The following RSL1D1 variants were observed in gnomAD, a reference collection of about 807,000 sequenced individuals.
RSL1D1 encodes the protein ribosomal L1 domain containing 1, also known as ribosomal L1 domain-containing protein 1.
Under a neutral mutation model 44.6 loss-of-function variants are expected in RSL1D1, and 34 were observed. That is an observed-to-expected ratio of 0.76 (90% confidence interval 0.58 to 1.02). RSL1D1 has a LOEUF of 1.02. Among genes scored for constraint, RSL1D1 ranks in the 50% least tolerant of loss-of-function variants. The pLI, the probability that RSL1D1 is intolerant of heterozygous loss-of-function variation, is 0.00. For synonymous variants in RSL1D1, 271 were observed against 207.4 expected, an observed-to-expected ratio of 1.31 and a Z score of -2.63; for missense variants, 767 against 568.1, an observed-to-expected ratio of 1.35 and a Z score of -3.56.
chr16:11,847,887 A>G (rs541759518), intron 2 of RSL1D1, 81 bp from the exon 3 acceptor site: 1 of 1,376,352 alleles, frequency 7.3e-7, no homozygotes, highest in East Asian at 2.3e-5. Flanking sequence ...ATACGCGATA[A>G]ACTTAGTGTT....
intron 5 of RSL1D1, 125 bp downstream of exon 5, chr16:11,846,376 C>G: frequency 1.8e-6 from 1 of 558,332 alleles, no homozygotes; most frequent in South Asian, 2.4e-5. Flanking sequence ...GCCTGGCAGA[C>G]AGAGTAAGAC....
chr16:11,849,036 C>T (rs910042350), intron 2 of RSL1D1, among the ~76,000 whole-genome samples: 1 of 152,032 alleles, frequency 6.6e-6, no homozygotes, highest in African/African-American at 2.4e-5. Flanking sequence ...CACCTCACCT[C>T]CCAAAGTGCT....
rs776774713 is a variant in RSL1D1, at chr16:11,835,462, C to A, written c.*2325G>T. On this transcript the variant is annotated 3_prime_UTR_variant, in exon 9 of 9. Coordinates refer to ENST00000571133, the MANE Select transcript of RSL1D1 (RefSeq NM_015659.3). The stretch of plus-strand genomic sequence containing the variant: ...CTGGGATTACAGATGTGAGCCACCA[C>A]GCCCAGCCTCATTTTTTTTGAGACT... 1.3e-5 allele frequency: 2 copies of A among 152,142 alleles called. No homozygotes were observed. The highest frequency in any genetic ancestry group is 1.3e-4 in the Admixed American group (2 of 15,216). 9.4% of individuals were successfully genotyped at this position (152,142 alleles called of 1,614,324 possible).
At chr16:11,841,857 C>G (rs1214760337) in intron 6 of RSL1D1, 37 bp from the exon 7 acceptor site, 1 of 1,612,192 alleles carries the variant, frequency 6.2e-7, no homozygotes, top group South Asian at 1.1e-5. Flanking sequence ...TCTACATATA[C>G]TTTGTTTCTT....
At chr16:11,850,203 A>G in intron 2 of RSL1D1, 76 bp downstream of exon 2, 1 of 1,375,426 alleles carries the variant, frequency 7.3e-7, no homozygotes, top group Non-Finnish European at 9.8e-7. Context: ...TCCATTAGTA[A>G]CCATGATGCA....
At position 11,839,990 on chromosome 16, in the gene RSL1D1, C is replaced by CA. The variant is rs1207301697; in HGVS notation, c.856-6dup. On this transcript the variant is annotated splice_polypyrimidine_tract_variant and splice_region_variant and intron_variant, in intron 7 of 8. Transcript: ENST00000571133. ...TCTTCGTTTTCTCCTTGCCTCCTACCAAAAAACACCATACAAACATTTTAG... is the reference window on the plus strand; with the variant it reads ...TCTTCGTTTTCTCCTTGCCTCCTACCAAAAAAACACCATACAAACATTTTAG... 6 of 1,607,438 alleles carry CA rather than the reference C, an allele frequency of 3.7e-6. No individual in the cohort carries two copies. Among genetic ancestry groups the CA allele is most frequent in the South Asian group, 2.2e-5 (2 of 90,388 alleles).
intron 5 of RSL1D1, among the ~76,000 whole-genome samples, chr16:11,842,622 C>T (rs572001821): frequency 6.6e-6 from 1 of 152,066 alleles, no homozygotes; most frequent in South Asian, 2.1e-4. Flanking sequence ...GATCCTCCTG[C>T]CTCAACCTCC....
At chr16:11,842,802 C>G (rs2053771630) in intron 5 of RSL1D1, among the ~76,000 whole-genome samples, 1 of 151,840 alleles carries the variant, frequency 6.6e-6, no homozygotes, top group Non-Finnish European at 1.5e-5. Context: ...GTCGCCCAGG[C>G]TGAAGTGCAG....
At chr16:11,850,244 G>A in intron 2 of RSL1D1, 35 bp downstream of exon 2, 1 of 1,547,004 alleles carries the variant, frequency 6.5e-7, no homozygotes, top group Non-Finnish European at 8.7e-7. Flanking sequence ...TAAACACACA[G>A]ATAAAAACAG....
In RSL1D1 at chr16:11,847,701, A is replaced by C. The variant is rs763721236; in HGVS notation, c.351T>G (p.Leu117=). ...CGGTTTTAATTCCATGCTTGTTTAA[A>C]AGCTTTCTATAAAACTGTTCTGTCT... The part of the protein sequence containing the change: ...PEKTEQFYRK[L]LNKHGIKTVS... Residue 117 remains leucine, a synonymous_variant, in exon 3 of 9, where the codon CTT becomes CTG. Coordinates refer to ENST00000571133, the MANE Select transcript of RSL1D1 (RefSeq NM_015659.3). The C allele has an allele frequency of 1.2e-6, 2 of 1,612,928 alleles. No homozygotes were observed. The highest frequency in any genetic ancestry group is 1.7e-6 in the Non-Finnish European group (2 of 1,179,544).
At chr16:11,846,973 T>G in intron 3 of RSL1D1, 130 bp from the exon 4 acceptor site, 1 of 760,704 alleles carries the variant, frequency 1.3e-6, no homozygotes, top group Non-Finnish European at 2.1e-6. Flanking sequence ...TAATGAACAC[T>G]TGAGGGCCTA....
intron 8 of RSL1D1, 40 bp from the exon 9 acceptor site, chr16:11,838,153 C>G (rs1446326201): frequency 4.9e-6 from 7 of 1,416,854 alleles, no homozygotes; most frequent in African/African-American, 1.4e-5. Flanking sequence ...GAAAAAGCCA[C>G]AAAACCTGAC....
At chr16:11,842,949 G>A (rs557764086) in intron 5 of RSL1D1, among the ~76,000 whole-genome samples, 5 of 128,976 alleles carry the variant, frequency 3.9e-5, no homozygotes, top group African/African-American at 1.5e-4. Flanking sequence ...TTGAGATGCA[G>A]TTTCACTCGT....
chr16:11,846,413 C>CAA, intron 5 of RSL1D1, 88 bp downstream of exon 5: 1 of 745,094 alleles, frequency 1.3e-6, no homozygotes, highest in East Asian at 2.9e-5. Context: ...AAAACAAAAA[C>CAA]AAAAAACAAA....
At chr16:11,843,171 G>A (rs1321403296) in intron 5 of RSL1D1, among the ~76,000 whole-genome samples, 6 of 151,276 alleles carry the variant, frequency 4.0e-5, no homozygotes, top group Non-Finnish European at 8.8e-5. Context: ...CCGACCTCAG[G>A]TGATCCGCCT....
rs759788953 is a variant in RSL1D1 at position 11,851,507 on chromosome 16, C to T, written c.6G>A (p.Glu2=). 3 of 1,613,452 alleles carry T rather than the reference C, an allele frequency of 1.9e-6. No individual in the cohort carries two copies. The highest frequency in any genetic ancestry group is 2.5e-6 in the Non-Finnish European group (3 of 1,179,884). The change falls in exon 1 of 9, where the codon GAG becomes GAA. Residue 2 remains glutamate (E), a synonymous_variant. Transcript: ENST00000571133. Reference sequence around the variant, plus strand: ...AAGACAGCGAGGCCGAGGCCGAATCCTCCATCTTGTTTCCACCTCGTGAAG... The same window carrying T: ...AAGACAGCGAGGCCGAGGCCGAATCTTCCATCTTGTTTCCACCTCGTGAAG... M[E]DSASASLSSA...
At chr16:11,849,592 T>G (rs914229141) in intron 2 of RSL1D1, among the ~76,000 whole-genome samples, 1 of 152,228 alleles carries the variant, frequency 6.6e-6, no homozygotes, top group African/African-American at 2.4e-5. Context: ...AGAAATTCAC[T>G]GCAGTTTTTA....
Position 11,838,115 on chromosome 16 carries a change from T to TA in RSL1D1, c.1147-3dup. On this transcript the variant is annotated splice_polypyrimidine_tract_variant and splice_region_variant and intron_variant, in intron 8 of 8. Transcript: ENST00000571133. ...CTTTCCTGTGGCATGTTTTTGAATC[T>TA]AAGAAAAAAAAAAGTAAGTTTAATA... The TA allele has an allele frequency of 1.3e-6, 2 of 1,552,496 alleles. No homozygotes were observed. Among genetic ancestry groups the TA allele is most frequent in the Non-Finnish European group, 1.7e-6 (2 of 1,155,440 alleles).
Position 11,840,091 on chromosome 16 carries a change from G to GATACGGC in RSL1D1, c.856-107_856-106insGCCGTAT. 6 of 1,479,208 alleles carry GATACGGC rather than the reference G, an allele frequency of 4.1e-6. No individual in the cohort carries two copies. The South Asian group carries it at 4.3e-5, about 11-fold the overall frequency. The allele number at this position is 1,479,208 out of a possible 1,614,324, so 91.6% of individuals were successfully genotyped here. On this transcript the variant is annotated intron_variant, in intron 7 of 8. Coordinates refer to ENST00000571133, the MANE Select transcript of RSL1D1 (RefSeq NM_015659.3). ...TTTGATTATCCATAAGCCCCTAAAT[G>GATACGGC]GACCTCGATCTATACAGAGAACAAA...
Sources: allele counts gnomAD v4.1 joint callset (sites outside exome capture counted in the v4.1 genomes callset), GRCh38; gene constraint gnomAD v4.1.1; transcripts MANE v1.5; gene names NCBI Gene and HGNC (gene_info 2026-07-23, HGNC 2026-07-21).